TMEM266: variants seen among roughly 807,000 people sequenced by gnomAD.
TMEM266 encodes the protein Hv1 related protein 1.
TMEM266 carries 33 observed loss-of-function variants against 50.5 expected under a neutral mutation model. That is an observed-to-expected ratio of 0.65 (90% CI 0.50 to 0.87). TMEM266 has a LOEUF of 0.87. TMEM266 is among the 40% of genes least tolerant of loss of function. The probability of loss-of-function intolerance (pLI) is 0.00; values close to 1 mark genes in which losing one functional copy is unlikely to be tolerated. For synonymous variants in TMEM266, 310 were observed against 292.3 expected (o/e 1.06, Z -0.62); for missense variants, 655 against 695.1 (o/e 0.94, Z 0.65).
At chr15:76,180,764 C>G (rs771171205) in intron 8 of TMEM266, among the ~76,000 whole-genome samples, 41 of 152,006 alleles carry the variant, frequency 2.7e-4, no homozygotes, top group Non-Finnish European at 4.9e-4. Context: ...CAGGCACCTG[C>G]CACCATGCCC....
At position 76,204,876 on chromosome 15, in the gene TMEM266, C is replaced by T. The variant is rs2959850; in HGVS notation, c.*561C>T. 0.55 allele frequency: 84,059 copies of T among 152,540 alleles called. 24,366 individuals carry two copies. Among genetic ancestry groups the T allele is most frequent in the African/African-American group, 0.74 (30,809 of 41,470 alleles). 9.4% of individuals were successfully genotyped at this position (152,540 alleles called of 1,614,324 possible). A position where few individuals can be genotyped will look rare whatever the true frequency, so the allele number is the denominator to read the frequency against. On this transcript the variant is annotated 3_prime_UTR_variant, in exon 11 of 11. Transcript: ENST00000388942. The stretch of plus-strand genomic sequence containing the variant: ...CCTTCACAGGATATAAAGGGATCAA[C>T]CTAGAGGTGGGTGGGAGGGTCCTAG...
chr15:76,178,838 C>G (rs2038344568), intron 8 of TMEM266: 1 of 152,250 alleles, frequency 6.6e-6, no homozygotes, highest in Admixed American at 6.5e-5. Context: ...ACACCTGAAG[C>G]CTGTCATCTT....
chr15:76,097,423 T>C (rs1263832765), intron 1 of TMEM266, among the ~76,000 whole-genome samples: 2 of 152,102 alleles, frequency 1.3e-5, no homozygotes, highest in Non-Finnish European at 2.9e-5. Flanking sequence ...TTTTCTTTAA[T>C]AATGTTGAAT....
chr15:76,187,356 G>T (rs1031659312), intron 8 of TMEM266, among the ~76,000 whole-genome samples: 3 of 152,226 alleles, frequency 2.0e-5, no homozygotes, highest in Admixed American at 6.5e-5. Context: ...CTTCAGAGCA[G>T]CCAGGAAGCC....
At chr15:76,179,804 C>T (rs1349090148) in intron 8 of TMEM266, among the ~76,000 whole-genome samples, 1 of 152,130 alleles carries the variant, frequency 6.6e-6, no homozygotes, top group African/African-American at 2.4e-5. Flanking sequence ...AAATACAACA[C>T]CTGGCCTGGC....
intron 1 of TMEM266, among the ~76,000 whole-genome samples, chr15:76,083,881 G>A (rs1245853516): frequency 1.3e-5 from 2 of 152,176 alleles, no homozygotes; most frequent in Non-Finnish European, 2.9e-5. Context: ...AGTTGGTCAG[G>A]TAGAGAGAAG....
At chr15:76,145,949 G>A (rs888445645) in intron 3 of TMEM266, among the ~76,000 whole-genome samples, 7 of 152,228 alleles carry the variant, frequency 4.6e-5, no homozygotes, top group African/African-American at 1.7e-4. Context: ...TGGTGGAAAA[G>A]TGAAGTACAG....
intron 1 of TMEM266, among the ~76,000 whole-genome samples, chr15:76,105,902 TTTA>T (rs1387235912): frequency 1.2e-4 from 18 of 152,298 alleles, no homozygotes; most frequent in African/African-American, 4.1e-4. Context: ...AATGGCCAGT[TTTA>T]TTACAGTAAC....
intron 5 of TMEM266, among the ~76,000 whole-genome samples, chr15:76,166,407 G>T (rs1567173571): frequency 6.6e-6 from 1 of 152,182 alleles, no homozygotes; most frequent in Admixed American, 6.5e-5. Context: ...GAGCTAAGAA[G>T]GAAAGGCTCC....
intron 1 of TMEM266, among the ~76,000 whole-genome samples, chr15:76,065,390 C>G (rs963650236): frequency 5.9e-5 from 9 of 152,094 alleles, no homozygotes; most frequent in Non-Finnish European, 1.5e-5. Context: ...TCTCAGATTT[C>G]GTTCATGATG....
intron 1 of TMEM266, among the ~76,000 whole-genome samples, chr15:76,099,432 T>C (rs1351580817): frequency 2.6e-5 from 4 of 152,246 alleles, no homozygotes; most frequent in Non-Finnish European, 5.9e-5. Context: ...CCCAGTGAGA[T>C]GAACCGGATA....
At chr15:76,083,701 G>A (rs908287017) in intron 1 of TMEM266, among the ~76,000 whole-genome samples, 4 of 152,148 alleles carry the variant, frequency 2.6e-5, no homozygotes, top group African/African-American at 9.7e-5. Flanking sequence ...ATTTATGAGT[G>A]TAATTACTCG....
rs1050204006 is a variant in TMEM266, at chr15:76,124,972, A to G, written c.-96-9196A>G. Among the ~76,000 whole-genome samples the G allele has an allele frequency of 2.0e-5, 3 of 152,320 alleles. No individual in the cohort carries two copies. The South Asian group carries it at 6.2e-4, about 32-fold the overall frequency. ...TTACAAAGCTATTGTAATCAAAACC[A>G]CATGGTCCTGGCATAAAAACAGGCT... On this transcript the variant is annotated intron_variant, in intron 1 of 10. Transcript: ENST00000388942.
chr15:76,080,454 G>A (rs997388496), intron 1 of TMEM266, among the ~76,000 whole-genome samples: 3 of 150,642 alleles, frequency 2.0e-5, no homozygotes, highest in Non-Finnish European at 4.4e-5. Flanking sequence ...GTTTCACTAT[G>A]TTGGTCAGGT....
chr15:76,069,962 CATTTATTGAAT>C (rs2036512008), intron 1 of TMEM266, among the ~76,000 whole-genome samples: 1 of 152,058 alleles, frequency 6.6e-6, no homozygotes, highest in African/African-American at 2.4e-5. Context: ...ACCTTTATTG[CATTTATTGAAT>C]ATTTATTGAA....
chr15:76,177,252 C>T (rs985049081), intron 8 of TMEM266, among the ~76,000 whole-genome samples: 8 of 152,242 alleles, frequency 5.3e-5, no homozygotes, highest in African/African-American at 1.7e-4. Flanking sequence ...AACTCACATC[C>T]GGCCCCAGCC....
chr15:76,133,208 C>T (rs554471941), intron 1 of TMEM266, among the ~76,000 whole-genome samples: 5 of 152,050 alleles, frequency 3.3e-5, no homozygotes, highest in Admixed American at 1.3e-4. Flanking sequence ...CCGAGGCGGG[C>T]GGATCACCTG....
rs1375837440 is a variant in TMEM266, at chr15:76,171,931, G to C, written c.652+800G>C. ...TGGTGCAGGATACTGGGGGTGGGGGGTGACCCAGAGGATGACGACAGAGGC... is the reference window on the plus strand; with the variant it reads ...TGGTGCAGGATACTGGGGGTGGGGGCTGACCCAGAGGATGACGACAGAGGC... On this transcript the variant is annotated intron_variant, in intron 7 of 10. Transcript: ENST00000388942. Among the ~76,000 whole-genome samples the C allele has an allele frequency of 2.6e-5, 4 of 152,292 alleles. No individual in the cohort carries two copies. In the East Asian group the frequency reaches 7.7e-4, roughly 29 times the overall value.
chr15:76,116,108 G>A (rs1305233043), intron 1 of TMEM266, among the ~76,000 whole-genome samples: 2 of 152,132 alleles, frequency 1.3e-5, no homozygotes, highest in Non-Finnish European at 2.9e-5. Context: ...TAGCCTCACG[G>A]TTACAGGCAG....
Sources: allele counts gnomAD v4.1 joint callset (sites outside exome capture counted in the v4.1 genomes callset), GRCh38; gene constraint gnomAD v4.1.1; transcripts MANE v1.5; gene names NCBI Gene and HGNC (gene_info 2026-07-23, HGNC 2026-07-21).